EPHA5: variants seen among roughly 807,000 people sequenced by gnomAD.
The protein encoded by EPHA5 is EPH receptor A5.
EPHA5 carries 60 observed loss-of-function variants against 105.0 expected under a neutral mutation model. The ratio of observed to expected loss-of-function variants is 0.57; its 90% CI spans 0.46 to 0.71. The LOEUF (loss-of-function observed/expected upper bound fraction) is 0.71. Ranked by LOEUF, EPHA5 falls within the 30% of genes least tolerant of loss-of-function variation. The probability of loss-of-function intolerance (pLI) is 0.00; values close to 1 mark genes in which losing one functional copy is unlikely to be tolerated. For missense variants in EPHA5, 1,218 were observed against 1,274.7 expected, an observed-to-expected ratio of 0.96 and a Z score of 0.68; for synonymous variants, 513 against 449.1, an observed-to-expected ratio of 1.14 and a Z score of -1.80.
chr4:65,519,507 A>C (rs1183973842), intron 3 of EPHA5, among the ~76,000 whole-genome samples: 1 of 152,106 alleles, frequency 6.6e-6, no homozygotes, highest in East Asian at 1.9e-4. Flanking sequence ...TCTTCAACAT[A>C]GTGTTGGAAG....
intron 8 of EPHA5, among the ~76,000 whole-genome samples, chr4:65,398,358 AG>A (rs1721460515): frequency 6.6e-6 from 1 of 152,094 alleles, no homozygotes. Flanking sequence ...GAGAGAGTTG[AG>A]GGAAATCTGA....
chr4:65,574,199 C>T, intron 3 of EPHA5: 1 of 1,604,072 alleles, frequency 6.2e-7, no homozygotes, highest in East Asian at 2.2e-5. Flanking sequence ...CGGAGCAGCG[C>T]AAGATTGATC....
At chr4:65,329,253 G>T (rs1169818249) in intron 16 of EPHA5, among the ~76,000 whole-genome samples, 2 of 151,240 alleles carry the variant, frequency 1.3e-5, no homozygotes, top group Non-Finnish European at 3.0e-5. Context: ...GAAAGGTTTA[G>T]GCACAAACAG....
chr4:65,642,589 G>A (rs771655105), intron 2 of EPHA5, among the ~76,000 whole-genome samples: 8 of 151,854 alleles, frequency 5.3e-5, no homozygotes, highest in Non-Finnish European at 1.0e-4. Flanking sequence ...AGATGAGGAT[G>A]TTAATATACA....
At chr4:65,591,611 TTAAAA>T (rs200347173) in intron 3 of EPHA5, among the ~76,000 whole-genome samples, 3,827 of 151,254 alleles carry the variant, frequency 0.025, 164 homozygotes, top group African/African-American at 0.087. Flanking sequence ...TTTATTTTTT[TTAAAA>T]AAAAAGCTTC....
At chr4:65,526,261 G>A (rs950775156) in intron 3 of EPHA5, among the ~76,000 whole-genome samples, 1 of 151,740 alleles carries the variant, frequency 6.6e-6, no homozygotes, top group Non-Finnish European at 1.5e-5. Flanking sequence ...TTGACATAAC[G>A]TGACTATGCC....
rs898328220 is a variant in EPHA5 at position 65,322,533 on chromosome 4, A to G, written c.*1581T>C. 4.4e-6 allele frequency: 1 copy of G among 225,188 alleles called. No individual in the cohort carries two copies. The highest frequency in any genetic ancestry group is 5.7e-5 in the Admixed American group (1 of 17,426). 13.9% of individuals were successfully genotyped at this position (225,188 alleles called of 1,614,324 possible). ...CATAATTTTTATAAAGTGTAATAAT[A>G]CAAAAATGTTGGTTATCTCAGGAGC... On this transcript the variant is annotated 3_prime_UTR_variant, in exon 17 of 17. Transcript: ENST00000613740.
intron 8 of EPHA5, among the ~76,000 whole-genome samples, chr4:65,380,889 T>C (rs1369679322): frequency 6.6e-6 from 1 of 151,734 alleles, no homozygotes; most frequent in Non-Finnish European, 1.5e-5. Context: ...GCCCTATTGT[T>C]TCACAAAATG....
chr4:65,406,080 T>C (rs763416882), intron 7 of EPHA5, among the ~76,000 whole-genome samples: 1 of 152,054 alleles, frequency 6.6e-6, no homozygotes, highest in African/African-American at 2.4e-5. Flanking sequence ...TATTAATCCA[T>C]TCCCACTTCC....
chr4:65,574,267 G>T (rs986518501), intron 3 of EPHA5: 1 of 1,591,714 alleles, frequency 6.3e-7, no homozygotes, highest in African/African-American at 1.3e-5. Flanking sequence ...CAGCTCCAGG[G>T]CTAGTTGCGA....
chr4:65,477,480 T>G (rs1397670885), intron 5 of EPHA5, among the ~76,000 whole-genome samples: 1 of 152,060 alleles, frequency 6.6e-6, no homozygotes, highest in African/African-American at 2.4e-5. Flanking sequence ...TGGCGAGATC[T>G]AGGCTCAGTG....
chr4:65,570,558 T>C (rs1236072760), intron 3 of EPHA5, among the ~76,000 whole-genome samples: 1 of 151,784 alleles, frequency 6.6e-6, no homozygotes, highest in Non-Finnish European at 1.5e-5. Context: ...TTTTCCAGAA[T>C]AGCCCTAATC....
At chr4:65,539,015 T>C (rs1036162447) in intron 3 of EPHA5, among the ~76,000 whole-genome samples, 2 of 151,712 alleles carry the variant, frequency 1.3e-5, no homozygotes, top group African/African-American at 4.8e-5. Context: ...AATTGTTCTC[T>C]GTTTGAGCTG....
intron 2 of EPHA5, among the ~76,000 whole-genome samples, chr4:65,617,993 G>T (rs1462252864): frequency 6.6e-6 from 1 of 151,946 alleles, no homozygotes; most frequent in African/African-American, 2.4e-5. Flanking sequence ...TGAGATTGAG[G>T]CTTGATCTAA....
chr4:65,369,254 G>T (rs2148900660), intron 8 of EPHA5, among the ~76,000 whole-genome samples: 1 of 152,240 alleles, frequency 6.6e-6, no homozygotes, highest in East Asian at 1.9e-4. Context: ...TGTGCTGAAT[G>T]AACACTGAAT....
intron 5 of EPHA5, among the ~76,000 whole-genome samples, chr4:65,468,083 A>G (rs1490799898): frequency 6.6e-6 from 1 of 152,206 alleles, no homozygotes; most frequent in Non-Finnish European, 1.5e-5. Context: ...ATTTATGATA[A>G]TAAATCCATG....
chr4:65,503,770 A>C (rs186913283), intron 3 of EPHA5, among the ~76,000 whole-genome samples: 1 of 151,898 alleles, frequency 6.6e-6, no homozygotes, highest in Admixed American at 6.6e-5. Context: ...TCATTAAATA[A>C]CTTAGTTGTG....
intron 1 of EPHA5, among the ~76,000 whole-genome samples, chr4:65,652,058 TATTCTAAAA>T (rs1402856012): frequency 6.6e-6 from 1 of 152,172 alleles, no homozygotes; most frequent in African/African-American, 2.4e-5. Context: ...ATATTGTTTT[TATTCTAAAA>T]AGAAAAGCCA....
chr4:65,355,345 C>T (rs867626704), intron 11 of EPHA5, among the ~76,000 whole-genome samples: 1 of 151,578 alleles, frequency 6.6e-6, no homozygotes, highest in African/African-American at 2.4e-5. Flanking sequence ...AAGAACAGAT[C>T]AGGAAAAAAT....
Sources: gnomAD v4.1 joint callset for allele counts (sites outside exome capture counted in the v4.1 genomes callset) on GRCh38, gnomAD v4.1.1 for gene constraint, MANE v1.5 for transcripts, NCBI Gene and HGNC (gene_info 2026-07-23, HGNC 2026-07-21) for gene names.